The following RPS6KA2 variants were observed in gnomAD, a reference collection of about 807,000 sequenced individuals.
The protein encoded by RPS6KA2 is ribosomal protein S6 kinase A2.
A neutral mutation model predicts 91.8 loss-of-function variants in RPS6KA2; 42 were observed. The ratio of observed to expected loss-of-function variants is 0.46; its 90% CI spans 0.36 to 0.59. The LOEUF (loss-of-function observed/expected upper bound fraction) is 0.59. Among genes scored for constraint, RPS6KA2 ranks in the 20% least tolerant of loss-of-function variants. RPS6KA2 has a pLI of 0.00. For missense variants in RPS6KA2, 798 were observed against 978.5 expected, an observed-to-expected ratio of 0.82 and a Z score of 2.46; for synonymous variants, 414 against 393.6, an observed-to-expected ratio of 1.05 and a Z score of -0.61.
In RPS6KA2 at chr6:166,732,795, G is replaced by C. The variant is rs1790567982; in HGVS notation, c.123+125405C>G. The stretch of plus-strand genomic sequence containing the variant: ...CAGAGGTGATGACAGGGGGATGACA[G>C]GGGGAGCTGTGAAGGCCACCGGAGG... On this transcript the variant is annotated intron_variant, in intron 2 of 21. Coordinates refer to the RPS6KA2 transcript ENST00000503859. The surrounding 1 kb of genome is among the most constrained non-coding windows in gnomAD (Gnocchi z 4.0). Among the ~76,000 whole-genome samples, 1 of 152,232 alleles carries C rather than the reference G, an allele frequency of 6.6e-6. No homozygotes were observed. The highest frequency in any genetic ancestry group is 1.5e-5 in the Non-Finnish European group (1 of 68,046).
chr6:166,648,277 C>T lies in RPS6KA2; in HGVS notation c.124-109493G>A, dbSNP rs1162932006. 3.3e-5 allele frequency among the ~76,000 whole-genome samples: 5 copies of T among 151,298 alleles called. No homozygotes were observed. The highest frequency in any genetic ancestry group is 7.4e-5 in the Non-Finnish European group (5 of 67,802). ...ACACACACTCATGTTCATACACACG[C>T]ATGCACACAGTATGCACACACACGC... On this transcript the variant is annotated intron_variant, in intron 2 of 21. Coordinates refer to the RPS6KA2 transcript ENST00000503859. This position sits in a 1 kb window ranked among gnomAD's most constrained non-coding sequence, Gnocchi z 4.8.
intron 12 of RPS6KA2, among the ~76,000 whole-genome samples, chr6:166,456,042 A>C (rs1229318441): frequency 6.6e-6 from 1 of 152,206 alleles, no homozygotes; most frequent in African/African-American, 2.4e-5. Flanking sequence ...AGGCCATGTT[A>C]ACTTGACAGA....
At chr6:166,764,482 A>G (rs369699398) in intron 2 of RPS6KA2, among the ~76,000 whole-genome samples, 2 of 152,164 alleles carry the variant, frequency 1.3e-5, no homozygotes, top group African/African-American at 2.4e-5. Context: ...AGGCAGCTCA[A>G]TGAAGCTGAA....
At chr6:166,571,749 G>A (rs1170932251) in intron 1 of RPS6KA2, among the ~76,000 whole-genome samples, 2 of 151,938 alleles carry the variant, frequency 1.3e-5, no homozygotes, top group Non-Finnish European at 2.9e-5. Context: ...GCCACGTTGA[G>A]CGTGGTGACG....
rs1779376619 is a variant in RPS6KA2, at chr6:166,437,701, G to A, written c.1333-5211C>T. On this transcript the variant is annotated intron_variant, in intron 14 of 20. Transcript: ENST00000265678. This position sits in a 1 kb window ranked among gnomAD's most constrained non-coding sequence, Gnocchi z 4.3. The stretch of plus-strand genomic sequence containing the variant: ...AGCAATTCTGGGTTCAACATGGATG[G>A]CACACCACCATGATCTTCCTGAGCA... Among the ~76,000 whole-genome samples the A allele has an allele frequency of 6.6e-6, 1 of 152,172 alleles. No homozygotes were observed. Among genetic ancestry groups the A allele is most frequent in the South Asian group, 2.1e-4 (1 of 4,826 alleles).
At chr6:166,523,503 C>T (rs553584782) in intron 3 of RPS6KA2, among the ~76,000 whole-genome samples, 7 of 152,228 alleles carry the variant, frequency 4.6e-5, no homozygotes, top group Middle Eastern at 3.4e-3. Context: ...CCAAACAATA[C>T]GCTTTTGAGT....
chr6:166,782,552 A>G (rs1359950350), intron 2 of RPS6KA2, among the ~76,000 whole-genome samples: 1 of 152,160 alleles, frequency 6.6e-6, no homozygotes, highest in Non-Finnish European at 1.5e-5. Flanking sequence ...ACGAGGTTAG[A>G]GCCACCAGAA....
chr6:166,430,162 G>T (rs959537383), intron 16 of RPS6KA2, among the ~76,000 whole-genome samples: 1 of 151,812 alleles, frequency 6.6e-6, no homozygotes, highest in South Asian at 2.1e-4. Flanking sequence ...TAGAGACAGG[G>T]TTTCACCATG....
At chr6:166,680,538 G>GT (rs1788765738) in intron 2 of RPS6KA2, among the ~76,000 whole-genome samples, 1 of 152,130 alleles carries the variant, frequency 6.6e-6, no homozygotes, top group Admixed American at 6.5e-5. Context: ...TTTGTGAACT[G>GT]TAACATCTCC....
At chr6:166,828,148 A>G (rs1016289722) in intron 2 of RPS6KA2, among the ~76,000 whole-genome samples, 1 of 152,208 alleles carries the variant, frequency 6.6e-6, no homozygotes, top group Non-Finnish European at 1.5e-5. Flanking sequence ...AGCATGGGGC[A>G]TGGGCATCCC....
At chr6:166,430,778 T>C (rs1164681172) in intron 15 of RPS6KA2, among the ~76,000 whole-genome samples, 167 bp from the exon 16 acceptor site, 1 of 152,132 alleles carries the variant, frequency 6.6e-6, no homozygotes, top group African/African-American at 2.4e-5. Context: ...TGGCCATTCC[T>C]GTCATACCAT....
At position 166,564,318 on chromosome 6, in the gene RPS6KA2, C is replaced by T. The variant is rs564752512; in HGVS notation, c.100-25534G>A. 3.3e-5 allele frequency among the ~76,000 whole-genome samples: 5 copies of T among 152,330 alleles called. No individual in the cohort carries two copies. In the South Asian group the frequency reaches 8.3e-4, roughly 25 times the overall value. On this transcript the variant is annotated intron_variant, in intron 1 of 20. Coordinates refer to ENST00000265678, the MANE Select transcript of RPS6KA2 (RefSeq NM_021135.6). ...ATTGGCAGTTACAGCCTCGGCCCAC[C>T]TGTTTCCAGGGTTCCCAGTGTCAGT...
intron 3 of RPS6KA2, among the ~76,000 whole-genome samples, chr6:166,512,388 A>G (rs1002074052): frequency 6.6e-6 from 1 of 152,230 alleles, no homozygotes; most frequent in Non-Finnish European, 1.5e-5. Flanking sequence ...TGGTGAGGAC[A>G]ACATTGTGAA....
At chr6:166,570,424 G>T (rs1046090880) in intron 1 of RPS6KA2, among the ~76,000 whole-genome samples, 3 of 152,150 alleles carry the variant, frequency 2.0e-5, no homozygotes, top group Admixed American at 6.5e-5. Context: ...CAATGACAAC[G>T]CATTGATTTC....
In RPS6KA2 at chr6:166,448,596, C is replaced by A; in HGVS notation, c.1332+128G>T. On this transcript the variant is annotated intron_variant, in intron 14 of 20. Transcript: ENST00000265678. The surrounding 1 kb of genome is among the most constrained non-coding windows in gnomAD (Gnocchi z 4.7). ...ATGCTCCGTGCTCCCATGTGCTGTA[C>A]ATGCTCCCACACGCTGCACTCACAC... 8.2e-7 allele frequency: 1 copy of A among 1,214,676 alleles called. No individual in the cohort carries two copies. The highest frequency in any genetic ancestry group is 1.1e-6 in the Non-Finnish European group (1 of 879,990). 75.2% of individuals were successfully genotyped at this position (1,214,676 alleles called of 1,614,324 possible).
At chr6:166,424,509 T>C (rs1438894248) in intron 16 of RPS6KA2, among the ~76,000 whole-genome samples, 2 of 151,806 alleles carry the variant, frequency 1.3e-5, no homozygotes, top group Non-Finnish European at 2.9e-5. Flanking sequence ...AGAGGAAACA[T>C]GTGATACGGT....
chr6:166,809,105 T>C (rs1223488995), intron 2 of RPS6KA2, among the ~76,000 whole-genome samples: 1 of 151,940 alleles, frequency 6.6e-6, no homozygotes, highest in African/African-American at 2.4e-5. Flanking sequence ...CACAAGTCAA[T>C]GGGGGAAAGG....
In RPS6KA2 at chr6:166,510,310, C is replaced by G. The variant is rs760661054; in HGVS notation, c.346G>C (p.Val116Leu). 3 of 1,603,406 alleles carry G rather than the reference C, an allele frequency of 1.9e-6. No homozygotes were observed. The highest frequency in any genetic ancestry group is 2.6e-6 in the Non-Finnish European group (3 of 1,173,648). Residue 116 changes from valine to leucine, a missense_variant, in exon 4 of 21, where the codon GTG becomes CTG. Physicochemically the swap from Val to Leu is conservative, Grantham distance 32. Coordinates refer to ENST00000265678, the MANE Select transcript of RPS6KA2 (RefSeq NM_021135.6). ...SKMERDILAEVNHPFIVKLHY... is the reference protein window; with the variant it reads ...SKMERDILAELNHPFIVKLHY... ...AGCTTCACAATGAAGGGGTGATTCACTTCTGCCAAGATGTCTCTCTCCATC... is the reference window on the plus strand; with the variant it reads ...AGCTTCACAATGAAGGGGTGATTCAGTTCTGCCAAGATGTCTCTCTCCATC...
intron 2 of RPS6KA2, among the ~76,000 whole-genome samples, chr6:166,736,700 G>A (rs78889252): frequency 0.012 from 1,902 of 152,224 alleles, 21 homozygotes; most frequent in Non-Finnish European, 0.021. Flanking sequence ...GGCTGGCCGA[G>A]GGTCGCCACC....
Sources: gnomAD v4.1 joint callset for allele counts (sites outside exome capture counted in the v4.1 genomes callset) on GRCh38, gnomAD v4.1.1 for gene constraint, Gnocchi (gnomAD v3.1) non-coding constraint, MANE v1.5 for transcripts, NCBI Gene and HGNC (gene_info 2026-07-23, HGNC 2026-07-21) for gene names.